Variants in KYAT1 observed in about 807,000 individuals in gnomAD.
The protein encoded by KYAT1 is kynurenine aminotransferase 1, also known as kynurenine--oxoglutarate transaminase 1.
KYAT1 carries 47 observed loss-of-function variants against 52.4 expected under a neutral mutation model. The ratio of observed to expected loss-of-function variants is 0.90; its 90% CI spans 0.71 to 1.14. KYAT1 has a LOEUF of 1.14. Ranked by LOEUF, KYAT1 falls within the 50% of genes most tolerant of loss-of-function variation. KYAT1 has a pLI of 0.00. For synonymous variants in KYAT1, 212 were observed against 209.6 expected (o/e 1.01, Z -0.10); for missense variants, 480 against 557.9 (o/e 0.86, Z 1.41).
chr9:128,852,206 T>C (rs933787658), intron 1 of KYAT1, among the ~76,000 whole-genome samples: 1 of 152,212 alleles, frequency 6.6e-6, no homozygotes, highest in African/African-American at 2.4e-5. Flanking sequence ...AGATGGCGCA[T>C]GCTGACTGAC....
At chr9:128,858,909 G>A (rs1177925118) in intron 1 of KYAT1, among the ~76,000 whole-genome samples, 1 of 149,888 alleles carries the variant, frequency 6.7e-6, no homozygotes, top group Non-Finnish European at 1.5e-5. Flanking sequence ...TCGGGAGGCT[G>A]AGGCAAGGGA....
intron 1 of KYAT1, among the ~76,000 whole-genome samples, chr9:128,848,331 A>G: frequency 6.6e-6 from 1 of 151,728 alleles, no homozygotes; most frequent in Non-Finnish European, 1.5e-5. Context: ...AAAAAAAAAA[A>G]AAAAAAAAAG....
intron 1 of KYAT1, among the ~76,000 whole-genome samples, chr9:128,871,242 C>T (rs537714618): frequency 1.0e-3 from 158 of 152,166 alleles, no homozygotes; most frequent in Non-Finnish European, 1.9e-3. Context: ...TGCTTGAGCC[C>T]AGAAGGTTGA....
rs553092513 is a variant in KYAT1, at chr9:128,857,024, A to G, written c.-6-11613T>C. Among the ~76,000 whole-genome samples the G allele has an allele frequency of 8.5e-3, 1,291 of 152,380 alleles. 15 individuals carry two copies. The highest frequency in any genetic ancestry group is 0.041 in the East Asian group (215 of 5,188). On this transcript the variant is annotated intron_variant, in intron 1 of 12. Transcript: ENST00000302586. ...TTATACATTTGTTCAATTCTGAGAT[A>G]GGAGAAAAACCGCCCTATGGCGGGA...
intron 1 of KYAT1, among the ~76,000 whole-genome samples, chr9:128,878,987 G>A (rs1250297879): frequency 6.6e-6 from 1 of 152,204 alleles, no homozygotes; most frequent in Non-Finnish European, 1.5e-5. Context: ...GCAAGCTGGG[G>A]AATGAGGGCA....
At position 128,865,340 on chromosome 9, in the gene KYAT1, TATATATATATA is replaced by T. The variant is rs1564491707; in HGVS notation, c.-7+16546_-7+16556del. Among the ~76,000 whole-genome samples the T allele has an allele frequency of 8.1e-3, 18 of 2,218 alleles. 2 individuals are homozygous for T. The highest frequency in any genetic ancestry group is 0.017 in the South Asian group (1 of 58). The allele number at this position is 2,218 out of a possible 152,430, so 1.5% of individuals were successfully genotyped here. On this transcript the variant is annotated intron_variant, in intron 1 of 12. Coordinates refer to ENST00000302586, the MANE Select transcript of KYAT1 (RefSeq NM_004059.5). ...ATATATATATATATATATATATATA[TATATATATATA>T]TATATATATTTTTTTTTTTTTTTTT...
chr9:128,875,818 G>A (rs920359350), intron 1 of KYAT1, among the ~76,000 whole-genome samples: 1 of 152,126 alleles, frequency 6.6e-6, no homozygotes, highest in Non-Finnish European at 1.5e-5. Context: ...AGTGGCCTGT[G>A]CCCCCCTCCA....
intron 1 of KYAT1, among the ~76,000 whole-genome samples, chr9:128,879,433 T>C (rs1838500931): frequency 1.3e-5 from 2 of 152,154 alleles, no homozygotes; most frequent in African/African-American, 4.8e-5. Flanking sequence ...CCTGCATTCC[T>C]TTATCGCCCC....
chr9:128,847,663 C>CAAT (rs72269035), intron 1 of KYAT1: 2 of 575,696 alleles, frequency 3.5e-6, no homozygotes, highest in African/African-American at 3.7e-5. Context: ...ACAACAACAA[C>CAAT]AACAACAACA....
At chr9:128,872,638 T>A (rs7020295) in intron 1 of KYAT1, among the ~76,000 whole-genome samples, 94,790 of 150,036 alleles carry the variant, frequency 0.63, 31,489 homozygotes, top group Admixed American at 0.75. Flanking sequence ...ATGGTGGCAC[T>A]CACCTGTAAT....
intron 1 of KYAT1, among the ~76,000 whole-genome samples, chr9:128,849,706 G>A (rs1436587450): frequency 6.7e-6 from 1 of 148,192 alleles, no homozygotes; most frequent in African/African-American, 2.5e-5. Flanking sequence ...CTGAGGCAGA[G>A]AATTGCTTCA....
Position 128,838,323 on chromosome 9 carries a change from C to A in KYAT1, c.246G>T (p.Glu82Asp). The A allele has an allele frequency of 6.2e-7, 1 of 1,614,182 alleles. No homozygotes were observed. The highest frequency in any genetic ancestry group is 8.5e-7 in the Non-Finnish European group (1 of 1,180,032). Residue 82 changes from glutamate (E) to aspartate (D), a missense_variant, in exon 4 of 13, where the codon GAG becomes GAT. By Grantham distance (45) the Glu-to-Asp change is conservative. Transcript: ENST00000302586. Reference protein sequence around the residue: ...LTKILASFFGELLGQEIDPLR... With the variant: ...LTKILASFFGDLLGQEIDPLR... ...GCGGGTCTATCTCCTGACCCAGCAG[C>A]TCCCCAAAGAAACTTGCCAGGATCT...
At chr9:128,849,833 T>C (rs1165859777) in intron 1 of KYAT1, among the ~76,000 whole-genome samples, 1 of 148,284 alleles carries the variant, frequency 6.7e-6, no homozygotes, top group East Asian at 2.0e-4. Flanking sequence ...AAAGAATGAA[T>C]TTGGACCTCT....
At chr9:128,858,897 A>G (rs939549832) in intron 1 of KYAT1, among the ~76,000 whole-genome samples, 11 of 149,754 alleles carry the variant, frequency 7.3e-5, no homozygotes, top group Admixed American at 2.0e-4. Flanking sequence ...AATCCCAGCT[A>G]CTCGGGAGGC....
At chr9:128,858,746 G>A (rs569669240) in intron 1 of KYAT1, among the ~76,000 whole-genome samples, 59 of 151,766 alleles carry the variant, frequency 3.9e-4, no homozygotes, top group Non-Finnish European at 6.6e-4. Flanking sequence ...GGTGGCTCAC[G>A]CTTATAATTC....
intron 1 of KYAT1, among the ~76,000 whole-genome samples, chr9:128,864,054 C>T (rs915266587): frequency 4.6e-5 from 7 of 152,028 alleles, no homozygotes; most frequent in Non-Finnish European, 7.4e-5. Context: ...GAGCCCTACA[C>T]GTCCCACCAC....
chr9:128,836,207 A>AT (rs531993591), intron 7 of KYAT1, 134 bp from the exon 8 acceptor site: 1,433 of 574,910 alleles, frequency 2.5e-3, no homozygotes, highest in Non-Finnish European at 3.4e-3. Context: ...TATTTGCACA[A>AT]TTTTTTTTCT....
Position 128,838,033 on chromosome 9 carries a change from T to C in KYAT1, c.438+18A>G, listed in dbSNP as rs759387965. 2 of 1,612,814 alleles carry C rather than the reference T, an allele frequency of 1.2e-6. No individual in the cohort carries two copies. The highest frequency in any genetic ancestry group is 1.7e-6 in the Non-Finnish European group (2 of 1,178,828). On this transcript the variant is annotated intron_variant, in intron 5 of 12. Coordinates refer to ENST00000302586, the MANE Select transcript of KYAT1 (RefSeq NM_004059.5). ...CTTGGATCCCTCTGCCCATCCATCC[T>C]CTACCTAGCATCCTTACCGGCTTCA...
Position 128,857,180 on chromosome 9 carries a change from A to G in KYAT1, c.-6-11769T>C, listed in dbSNP as rs79426881. On this transcript the variant is annotated intron_variant, in intron 1 of 12. Coordinates refer to ENST00000302586, the MANE Select transcript of KYAT1 (RefSeq NM_004059.5). ...ACCTCCCCTTGAACTTAATTATGAC[A>G]TAGATTCTTTTGCTCACATGTTTTT... 3.0e-3 allele frequency among the ~76,000 whole-genome samples: 461 copies of G among 152,008 alleles called. 4 individuals are homozygous for G. Among genetic ancestry groups the G allele is most frequent in the South Asian group, 0.012 (60 of 4,816 alleles).
Sources: allele counts gnomAD v4.1 joint callset (sites outside exome capture counted in the v4.1 genomes callset), GRCh38; gene constraint gnomAD v4.1.1; transcripts MANE v1.5; gene names NCBI Gene and HGNC (gene_info 2026-07-23, HGNC 2026-07-21).